The following TAFA5 variants were observed in gnomAD, a reference collection of about 807,000 sequenced individuals.
The protein encoded by TAFA5 is TAFA chemokine like family member 5, also known as chemokine-like protein TAFA-5.
In TAFA5, 6 loss-of-function variants were observed where a neutral mutation model predicts 15.3. That is an observed-to-expected ratio of 0.39 (90% CI 0.21 to 0.77). TAFA5 has a LOEUF of 0.77. TAFA5 is among the 30% of genes least tolerant of loss of function. The pLI is 0.41. For synonymous variants in TAFA5, 103 were observed against 80.7 expected (o/e 1.28, Z -1.48); for missense variants, 161 against 193.1 (o/e 0.83, Z 0.98).
chr22:48,609,312 G>T (rs1925312664), intron 1 of TAFA5, among the ~76,000 whole-genome samples: 1 of 152,228 alleles, frequency 6.6e-6, no homozygotes, highest in South Asian at 2.1e-4. Context: ...CCAAGTTTCT[G>T]AGTTAAGAGA....
At chr22:48,506,516 C>T (rs1202529936) in intron 1 of TAFA5, among the ~76,000 whole-genome samples, 1 of 152,174 alleles carries the variant, frequency 6.6e-6, no homozygotes, top group East Asian at 1.9e-4. Context: ...TATCTGAGAC[C>T]ACAGGGGTGA....
At chr22:48,531,697 C>T (rs1354051551) in intron 1 of TAFA5, among the ~76,000 whole-genome samples, 4 of 152,168 alleles carry the variant, frequency 2.6e-5, no homozygotes, top group African/African-American at 4.8e-5. Flanking sequence ...GTCAGTCTCG[C>T]GCCAGAGACC....
At chr22:48,669,375 C>G (rs1927729270) in intron 2 of TAFA5, among the ~76,000 whole-genome samples, 1 of 152,246 alleles carries the variant, frequency 6.6e-6, no homozygotes, top group African/African-American at 2.4e-5. Flanking sequence ...GCCCTTGGCC[C>G]CGGGGTAGCC....
intron 2 of TAFA5, among the ~76,000 whole-genome samples, chr22:48,696,535 G>C (rs576261876): frequency 6.6e-6 from 1 of 152,198 alleles, no homozygotes; most frequent in East Asian, 1.9e-4. Context: ...CTGCAGGGGG[G>C]TCCCGGAGTG....
intron 1 of TAFA5, among the ~76,000 whole-genome samples, chr22:48,571,698 A>G (rs1236662545): frequency 6.7e-6 from 1 of 148,552 alleles, no homozygotes; most frequent in Non-Finnish European, 1.5e-5. Context: ...AAGTCTCTAC[A>G]ATCTGAAGAT....
intron 3 of TAFA5, among the ~76,000 whole-genome samples, chr22:48,721,719 C>T (rs907166706): frequency 2.6e-5 from 4 of 152,182 alleles, no homozygotes; most frequent in African/African-American, 9.6e-5. Flanking sequence ...CCTGTAATCC[C>T]AGCACTTTGG....
intron 1 of TAFA5, among the ~76,000 whole-genome samples, chr22:48,511,933 C>T (rs999488807): frequency 2.0e-5 from 3 of 152,240 alleles, no homozygotes; most frequent in Admixed American, 6.5e-5. Context: ...CTGTGGGGAA[C>T]GGTGCGCTCA....
chr22:48,620,529 G>A (rs1925762677), intron 1 of TAFA5, among the ~76,000 whole-genome samples: 1 of 122,678 alleles, frequency 8.2e-6, no homozygotes, highest in Non-Finnish European at 1.7e-5. Context: ...TTTGTTTTTT[G>A]ATGTTGTTGC....
chr22:48,505,330 G>A (rs1920983491), intron 1 of TAFA5, among the ~76,000 whole-genome samples: 1 of 152,178 alleles, frequency 6.6e-6, no homozygotes, highest in Non-Finnish European at 1.5e-5. Flanking sequence ...CTGAGGCTCA[G>A]GGATCCATCA....
intron 1 of TAFA5, chr22:48,546,556 T>C (rs749311067): frequency 4.2e-6 from 2 of 471,134 alleles, no homozygotes; most frequent in South Asian, 3.1e-5. Context: ...ATACGGATGA[T>C]GTGGACTGCT....
intron 1 of TAFA5, among the ~76,000 whole-genome samples, chr22:48,636,240 A>G (rs1028882972): frequency 2.6e-5 from 4 of 152,096 alleles, no homozygotes; most frequent in Non-Finnish European, 5.9e-5. Flanking sequence ...ATATTTCACA[A>G]CTATGTGAGT....
chr22:48,511,026 G>A (rs1921191710), intron 1 of TAFA5, among the ~76,000 whole-genome samples: 1 of 152,250 alleles, frequency 6.6e-6, no homozygotes, highest in African/African-American at 2.4e-5. Flanking sequence ...GCTGTCATCT[G>A]TTATGGGGAC....
chr22:48,548,287 C>T (rs1400224209), intron 1 of TAFA5, among the ~76,000 whole-genome samples: 1 of 152,240 alleles, frequency 6.6e-6, no homozygotes, highest in African/African-American at 2.4e-5. Context: ...CAGCTGCAGT[C>T]CCGAAGCTGC....
At chr22:48,633,524 GTCTGTCTGTCTCTCCCTCTC>G (rs1262923127) in intron 1 of TAFA5, among the ~76,000 whole-genome samples, 3 of 90,114 alleles carry the variant, frequency 3.3e-5, no homozygotes, top group South Asian at 4.1e-4. Flanking sequence ...CTGTCTGTCT[GTCTGTCTGTCTCTCCCTCTC>G]TCTCTCTCTC....
At chr22:48,735,717 C>G (rs1037725081) in intron 3 of TAFA5, among the ~76,000 whole-genome samples, 2 of 151,866 alleles carry the variant, frequency 1.3e-5, no homozygotes, top group Admixed American at 6.6e-5. Context: ...AGGCAGCAAT[C>G]GCCCTCCTAG....
At chr22:48,497,276 G>T (rs1398191958) in intron 1 of TAFA5, among the ~76,000 whole-genome samples, 1 of 152,210 alleles carries the variant, frequency 6.6e-6, no homozygotes, top group African/African-American at 2.4e-5. Context: ...AGGAGAAGCC[G>T]GGGCCTGCGG....
Position 48,537,804 on chromosome 22 carries a change from G to C in TAFA5, c.112+48100G>C, listed in dbSNP as rs895535605. On this transcript the variant is annotated intron_variant, in intron 1 of 3. Transcript: ENST00000402357. ...CAGACTAAGCCAGGCTCCTGCCGGAGTGAAGAGAGCAGGAGAGGCCTTGGG... is the reference window on the plus strand; with the variant it reads ...CAGACTAAGCCAGGCTCCTGCCGGACTGAAGAGAGCAGGAGAGGCCTTGGG... 2.0e-5 allele frequency among the ~76,000 whole-genome samples: 3 copies of C among 152,238 alleles called. No individual in the cohort carries two copies. The South Asian group carries it at 6.2e-4, about 32-fold the overall frequency.
chr22:48,517,551 C>G (rs1219407774), intron 1 of TAFA5, among the ~76,000 whole-genome samples: 1 of 152,232 alleles, frequency 6.6e-6, no homozygotes, highest in African/African-American at 2.4e-5. Context: ...GGCTGTGGAG[C>G]CCATGCTACT....
chr22:48,729,369 T>A lies in TAFA5; in HGVS notation c.391-20470T>A, dbSNP rs60563408. Among the ~76,000 whole-genome samples the A allele has an allele frequency of 7.8e-5, 10 of 128,870 alleles. 1 individual carries two copies. The highest frequency in any genetic ancestry group is 2.8e-4 in the African/African-American group (10 of 35,386). 84.5% of individuals were successfully genotyped at this position (128,870 alleles called of 152,430 possible). A position where few individuals can be genotyped will look rare whatever the true frequency, so the allele number is the denominator to read the frequency against. The stretch of plus-strand genomic sequence containing the variant: ...TATTTTTATATTAGTATATAATAAT[T>A]TATAAATATATGTAAATATATAATA... On this transcript the variant is annotated intron_variant, in intron 3 of 3. Transcript: ENST00000402357.
Sources: allele counts gnomAD v4.1 joint callset (sites outside exome capture counted in the v4.1 genomes callset), GRCh38; gene constraint gnomAD v4.1.1; transcripts MANE v1.5; gene names NCBI Gene and HGNC (gene_info 2026-07-23, HGNC 2026-07-21).